Variants in RAB9A observed in about 807,000 individuals in gnomAD.
The protein encoded by RAB9A is RAB9A, member RAS oncogene family, also known as ras-related protein Rab-9A.
A neutral mutation model predicts 10.3 loss-of-function variants in RAB9A; 1 was observed. The observed-to-expected ratio is 0.10, with a 90% CI of 0.03 to 0.46. The LOEUF is 0.46. RAB9A is among the 20% of genes least tolerant of loss of function. The pLI, the probability that RAB9A is intolerant of heterozygous loss-of-function variation, is 0.96. For synonymous variants in RAB9A, 39 were observed against 55.2 expected, an observed-to-expected ratio of 0.71 and a Z score of 1.30; for missense variants, 92 against 150.3, an observed-to-expected ratio of 0.61 and a Z score of 2.03.
chrX:13,692,253 T>A (rs193199694), intron 1 of RAB9A, among the ~76,000 whole-genome samples: 1 of 111,646 alleles, frequency 9.0e-6, no homozygotes, highest in Admixed American at 9.5e-5. Context: ...AAGGCTGCAG[T>A]GAGTCATGAT....
chrX:13,707,332 C>A (rs1235668222), intron 2 of RAB9A, among the ~76,000 whole-genome samples: 2 of 111,844 alleles, frequency 1.8e-5, no homozygotes, highest in Non-Finnish European at 3.8e-5. Context: ...TTCGAAATAA[C>A]TGGGGAGAAG....
rs148915076 is a variant in RAB9A at position 13,691,831 on chromosome X, G to A, written c.-116+2543G>A. Among the ~76,000 whole-genome samples the A allele has an allele frequency of 5.2e-3, 573 of 110,267 alleles. 3 individuals are homozygous for A. The highest frequency in any genetic ancestry group is 0.018 in the African/African-American group (541 of 30,378). On this transcript the variant is annotated intron_variant, in intron 1 of 2. Transcript: ENST00000464506. ...TTTCAGTTGTCTGAGCAGCCTGTGG[G>A]GCACTGATACAAAGGTGCTGATGAG...
chrX:13,690,410 C>T (rs183426622), intron 1 of RAB9A, among the ~76,000 whole-genome samples: 2 of 111,919 alleles, frequency 1.8e-5, no homozygotes, highest in African/African-American at 6.5e-5. Context: ...TGGTAAATTC[C>T]TCGTTTATAC....
At chrX:13,698,816 A>G (rs112978584) in intron 1 of RAB9A, among the ~76,000 whole-genome samples, 2,003 of 111,457 alleles carry the variant, frequency 0.018, 47 homozygotes, top group African/African-American at 0.062. Context: ...CTCCAGCAAA[A>G]ATAGAAATAA....
At chrX:13,700,261 A>T (rs2046167217) in intron 1 of RAB9A, among the ~76,000 whole-genome samples, 1 of 111,797 alleles carries the variant, frequency 8.9e-6, no homozygotes, top group Non-Finnish European at 1.9e-5. Flanking sequence ...GCAGATTTAA[A>T]TTCTTGATGC....
chrX:13,700,566 G>T (rs777283518), intron 1 of RAB9A, among the ~76,000 whole-genome samples: 5 of 111,705 alleles, frequency 4.5e-5, no homozygotes, highest in Non-Finnish European at 9.4e-5. Flanking sequence ...ATTCGGATTA[G>T]TGTATGACAC....
intron 1 of RAB9A, among the ~76,000 whole-genome samples, chrX:13,689,652 C>G (rs2046111104): frequency 8.9e-6 from 1 of 111,886 alleles, no homozygotes; most frequent in Non-Finnish European, 1.9e-5. Context: ...CACACATCCA[C>G]AGACCCCAAA....
intron 1 of RAB9A, among the ~76,000 whole-genome samples, chrX:13,691,253 A>G (rs1340752944): frequency 9.0e-6 from 1 of 111,205 alleles, no homozygotes; most frequent in Non-Finnish European, 1.9e-5. Flanking sequence ...TTACATTTCA[A>G]CTGCTTTTGT....
chrX:13,690,292 T>G (rs1468321475), intron 1 of RAB9A, among the ~76,000 whole-genome samples: 1 of 112,269 alleles, frequency 8.9e-6, no homozygotes, highest in East Asian at 2.8e-4. Flanking sequence ...TTTAGAAGAT[T>G]ATGAAGTTAT....
At chrX:13,702,703 G>A (rs2046179727) in intron 1 of RAB9A, among the ~76,000 whole-genome samples, 1 of 111,788 alleles carries the variant, frequency 8.9e-6, no homozygotes, top group South Asian at 3.7e-4. Context: ...GGGAGATGGT[G>A]GGCAGAATCC....
chrX:13,702,687 C>G (rs748577141), intron 1 of RAB9A, among the ~76,000 whole-genome samples: 1 of 111,949 alleles, frequency 8.9e-6, no homozygotes, highest in African/African-American at 3.2e-5. Context: ...GTGTCTCACT[C>G]ACTGAGGGAG....
chrX:13,691,862 C>T (rs2046126154), intron 1 of RAB9A, among the ~76,000 whole-genome samples: 1 of 109,683 alleles, frequency 9.1e-6, no homozygotes. Flanking sequence ...ATGAGAAGGG[C>T]GGTGGGGAGT....
intron 1 of RAB9A, among the ~76,000 whole-genome samples, chrX:13,700,659 G>A (rs1339031463): frequency 2.7e-5 from 3 of 112,058 alleles, no homozygotes; most frequent in Admixed American, 9.4e-5. Context: ...TATTTAAAGG[G>A]ATGCTGCTGA....
chrX:13,707,422 G>A (rs2046202580), intron 2 of RAB9A, among the ~76,000 whole-genome samples: 1 of 111,778 alleles, frequency 8.9e-6, no homozygotes. Flanking sequence ...GTTCATGGGA[G>A]CTCATTGTAT....
At chrX:13,708,540 T>A (rs1038859004) in intron 2 of RAB9A, among the ~76,000 whole-genome samples, 181 bp from the exon 3 acceptor site, 2 of 111,167 alleles carry the variant, frequency 1.8e-5, no homozygotes, top group African/African-American at 6.5e-5. Context: ...CCCAGCTGTT[T>A]CAGAGAATAA....
At chrX:13,692,726 A>C (rs1018532155) in intron 1 of RAB9A, among the ~76,000 whole-genome samples, 1 of 111,774 alleles carries the variant, frequency 8.9e-6, no homozygotes, top group Non-Finnish European at 1.9e-5. Context: ...GGTTGACTGG[A>C]GCAGTCAAAA....
Position 13,703,909 on chromosome X carries a change from A to G in RAB9A, c.-27+7A>G, listed in dbSNP as rs2046185796. On this transcript the variant is annotated splice_region_variant and intron_variant, in intron 2 of 2. Transcript: ENST00000464506. ...TTCTCAACAACCCTAGGAGGTAGGT[A>G]CTGTTGTCACTGTTGTTCCCATGAG... 8.9e-6 allele frequency: 1 copy of G among 112,216 alleles called. No individual in the cohort carries two copies. Among genetic ancestry groups the G allele is most frequent in the Non-Finnish European group, 1.9e-5 (1 of 53,211 alleles). 9.2% of individuals were successfully genotyped at this position (112,216 alleles called of 1,213,427 possible).
At chrX:13,693,976 G>A (rs2046137021) in intron 1 of RAB9A, among the ~76,000 whole-genome samples, 1 of 111,628 alleles carries the variant, frequency 9.0e-6, no homozygotes, top group Non-Finnish European at 1.9e-5. Flanking sequence ...TAGAACAACT[G>A]GACACATTCA....
intron 2 of RAB9A, among the ~76,000 whole-genome samples, chrX:13,704,809 G>A (rs1349076807): frequency 9.0e-6 from 1 of 110,559 alleles, no homozygotes; most frequent in Non-Finnish European, 1.9e-5. Flanking sequence ...GAGATGAGAT[G>A]AGGTCTCACC....
Sources: gnomAD v4.1 joint callset for allele counts (sites outside exome capture counted in the v4.1 genomes callset) on GRCh38, gnomAD v4.1.1 for gene constraint, MANE v1.5 for transcripts, NCBI Gene and HGNC (gene_info 2026-07-23, HGNC 2026-07-21) for gene names.